The following ZSWIM5 variants were observed in gnomAD, a reference collection of about 807,000 sequenced individuals.
ZSWIM5 encodes zinc finger SWIM-type containing 5, also known as zinc finger SWIM domain-containing protein 5.
Under a neutral mutation model 119.6 loss-of-function variants are expected in ZSWIM5, and 55 were observed. The ratio of observed to expected loss-of-function variants is 0.46; its 90% CI spans 0.37 to 0.58. ZSWIM5 has a LOEUF of 0.58. Ranked by LOEUF, ZSWIM5 falls within the 20% of genes least tolerant of loss-of-function variation. The pLI is 0.00. For missense variants in ZSWIM5, 1,193 were observed against 1,512.8 expected (o/e 0.79, Z 3.51); for synonymous variants, 537 against 606.9 (o/e 0.88, Z 1.69).
chr1:45,206,537 C>G lies in ZSWIM5; in HGVS notation c.-187G>C. The G allele has an allele frequency of 9.8e-7, 1 of 1,021,262 alleles. No homozygotes were observed. The highest frequency in any genetic ancestry group is 1.2e-6 in the Non-Finnish European group (1 of 855,026). 63.3% of individuals were successfully genotyped at this position (1,021,262 alleles called of 1,614,324 possible). ...CGGGCCCGGGAGCGCGCCGCGAGGG[C>G]AGACGCGGGCGGCCTGCAGGGTAGC... is the stretch of plus-strand genomic sequence containing the variant. On this transcript the variant is annotated 5_prime_UTR_variant, in exon 1 of 14. Coordinates refer to ENST00000359600, the MANE Select transcript of ZSWIM5 (RefSeq NM_020883.2).
chr1:45,166,395 T>C (rs982802318), intron 1 of ZSWIM5, among the ~76,000 whole-genome samples: 3 of 152,082 alleles, frequency 2.0e-5, no homozygotes, highest in Non-Finnish European at 4.4e-5. Context: ...AGCATTCCCT[T>C]TGAAAACTGG....
chr1:45,177,468 C>T (rs953962692), intron 1 of ZSWIM5, among the ~76,000 whole-genome samples: 7 of 152,024 alleles, frequency 4.6e-5, no homozygotes, highest in East Asian at 1.9e-4. Context: ...ATTCCTACAA[C>T]CCAAACTGTG....
intron 1 of ZSWIM5, among the ~76,000 whole-genome samples, chr1:45,144,625 T>C (rs768968993): frequency 1.3e-5 from 2 of 152,170 alleles, no homozygotes; most frequent in Non-Finnish European, 2.9e-5. Flanking sequence ...GACTGGACAC[T>C]GAACACTAAA....
chr1:45,192,948 T>C (rs2149053963), intron 1 of ZSWIM5, among the ~76,000 whole-genome samples: 1 of 152,318 alleles, frequency 6.6e-6, no homozygotes, highest in South Asian at 2.1e-4. Flanking sequence ...ATCTGTACAT[T>C]GTCTCTGGAG....
chr1:45,199,182 A>G (rs1056072977), intron 1 of ZSWIM5, among the ~76,000 whole-genome samples: 36 of 151,888 alleles, frequency 2.4e-4, no homozygotes, highest in Non-Finnish European at 5.0e-4. Context: ...TATTTCCTTG[A>G]ATTTTAATTT....
chr1:45,167,937 C>G (rs1262978612), intron 1 of ZSWIM5, among the ~76,000 whole-genome samples: 1 of 152,080 alleles, frequency 6.6e-6, no homozygotes, highest in Non-Finnish European at 1.5e-5. Context: ...GGATCTAGAA[C>G]TAGAAATACC....
At chr1:45,091,124 T>C (rs1645361778) in intron 1 of ZSWIM5, among the ~76,000 whole-genome samples, 1 of 152,190 alleles carries the variant, frequency 6.6e-6, no homozygotes, top group South Asian at 2.1e-4. Flanking sequence ...AATGTTTTAA[T>C]GCAATTATTA....
At chr1:45,102,708 T>C (rs1328258757) in intron 1 of ZSWIM5, among the ~76,000 whole-genome samples, 2 of 152,218 alleles carry the variant, frequency 1.3e-5, no homozygotes, top group East Asian at 3.8e-4. Context: ...AGCATGTTTA[T>C]AAAATTCCTG....
At chr1:45,115,083 T>C (rs918101663) in intron 1 of ZSWIM5, among the ~76,000 whole-genome samples, 23 of 152,242 alleles carry the variant, frequency 1.5e-4, no homozygotes, top group African/African-American at 5.3e-4. Context: ...TTCTCTTTCT[T>C]TTCCCCACAT....
At chr1:45,158,430 A>G (rs1252461412) in intron 1 of ZSWIM5, among the ~76,000 whole-genome samples, 3 of 152,152 alleles carry the variant, frequency 2.0e-5, no homozygotes, top group Non-Finnish European at 4.4e-5. Context: ...TGGCCTCCCA[A>G]AGTGCTGGGA....
At chr1:45,097,593 T>C (rs967814816) in intron 1 of ZSWIM5, among the ~76,000 whole-genome samples, 2 of 152,244 alleles carry the variant, frequency 1.3e-5, no homozygotes, top group African/African-American at 4.8e-5. Context: ...ATTATAGTCG[T>C]GGTAACAGAA....
intron 1 of ZSWIM5, among the ~76,000 whole-genome samples, chr1:45,116,224 G>A (rs1176892770): frequency 7.6e-6 from 1 of 131,006 alleles, no homozygotes; most frequent in Non-Finnish European, 1.8e-5. Flanking sequence ...TTACAGCAAT[G>A]AGTTTCATTG....
chr1:45,050,273 C>T (rs542720530), intron 5 of ZSWIM5, among the ~76,000 whole-genome samples: 1 of 152,174 alleles, frequency 6.6e-6, no homozygotes, highest in African/African-American at 2.4e-5. Context: ...ATGAGAATTG[C>T]TTGAACCCTG....
chr1:45,132,666 G>A (rs12732727), intron 1 of ZSWIM5, among the ~76,000 whole-genome samples: 1 of 151,880 alleles, frequency 6.6e-6, no homozygotes, highest in Admixed American at 6.6e-5. Flanking sequence ...ACAACATGCA[G>A]GTTTGTTACA....
At chr1:45,122,979 C>T (rs1319921332) in intron 1 of ZSWIM5, among the ~76,000 whole-genome samples, 1 of 152,110 alleles carries the variant, frequency 6.6e-6, no homozygotes, top group Non-Finnish European at 1.5e-5. Context: ...GGCCACCACC[C>T]TTCCACCTCT....
In ZSWIM5 at chr1:45,081,723, C is replaced by T. The variant is rs765001420; in HGVS notation, c.952+6158G>A. On this transcript the variant is annotated intron_variant, in intron 2 of 13. Coordinates refer to ENST00000359600, the MANE Select transcript of ZSWIM5 (RefSeq NM_020883.2). ...AAGTGCCGAGATTGCAGCCTCTGCCCGGCCGCCACCCCGTCTGGGAAGTGA... is the reference window on the plus strand; with the variant it reads ...AAGTGCCGAGATTGCAGCCTCTGCCTGGCCGCCACCCCGTCTGGGAAGTGA... 1.1e-3 allele frequency among the ~76,000 whole-genome samples: 162 copies of T among 152,162 alleles called. 1 individual carries two copies. The highest frequency in any genetic ancestry group is 1.6e-3 in the Non-Finnish European group (106 of 67,996).
chr1:45,036,078 C>T lies in ZSWIM5; in HGVS notation c.2116G>A (p.Val706Met), dbSNP rs1287732113. ...ATGCATTGTTTTTGCAGTGTTTGCA[C>T]TAGCTCATCGTCCAGCTGCAGCTCT... ...LQELQLDDEL[V>M]QTLQKQCILL... The change falls in exon 9 of 14, where the codon GTG (valine) becomes ATG (methionine). Residue 706 changes from valine to methionine, a missense_variant. Around this residue, in one of 2 missense-constraint regions of ZSWIM5, gnomAD observed 961 missense variants for 1,290.0 expected, o/e 0.74. Coordinates refer to ENST00000359600, the MANE Select transcript of ZSWIM5 (RefSeq NM_020883.2). 2 of 1,614,186 alleles carry T rather than the reference C, an allele frequency of 1.2e-6. No individual in the cohort carries two copies.
intron 1 of ZSWIM5, among the ~76,000 whole-genome samples, chr1:45,175,115 T>C (rs1342123454): frequency 6.6e-6 from 1 of 152,164 alleles, no homozygotes. Context: ...GTCTTAACTT[T>C]CTGACTTCTG....
At position 45,086,391 on chromosome 1, in the gene ZSWIM5, A is replaced by G. The variant is rs576609738; in HGVS notation, c.952+1490T>C. Among the ~76,000 whole-genome samples the G allele has an allele frequency of 5.0e-4, 76 of 152,312 alleles. 1 individual carries two copies. The South Asian group carries it at 0.014, about 29-fold the overall frequency. ...AAAGGTAGTTTAGGGAAACTCAAAA[A>G]ACTTTAGAGAAATTCAAAAAATTCT... On this transcript the variant is annotated intron_variant, in intron 2 of 13. Transcript: ENST00000359600.
Sources: gnomAD v4.1 joint callset for allele counts (sites outside exome capture counted in the v4.1 genomes callset) on GRCh38, gnomAD v4.1.1 for gene constraint, gnomAD v4.1.1 regional missense constraint, MANE v1.5 for transcripts, NCBI Gene and HGNC (gene_info 2026-07-23, HGNC 2026-07-21) for gene names.